Variants in TSEN2 observed in about 807,000 individuals in gnomAD.
TSEN2 encodes tRNA-splicing endonuclease subunit Sen2.
Under a neutral mutation model 59.2 loss-of-function variants are expected in TSEN2, and 54 were observed. The ratio of observed to expected loss-of-function variants is 0.91; its 90% CI spans 0.73 to 1.14. TSEN2 has a LOEUF of 1.14. TSEN2 is among the 50% of genes most tolerant of loss of function. The pLI is 0.00. For synonymous variants in TSEN2, 195 were observed against 198.2 expected, an observed-to-expected ratio of 0.98 and a Z score of 0.14; for missense variants, 636 against 576.2, an observed-to-expected ratio of 1.10 and a Z score of -1.06.
At chr3:12,512,228 C>A (rs980741446) in intron 6 of TSEN2, among the ~76,000 whole-genome samples, 1 of 152,154 alleles carries the variant, frequency 6.6e-6, no homozygotes, top group East Asian at 1.9e-4. Context: ...CTTTAGTTCA[C>A]AAAATGGCAG....
chr3:12,538,900 G>A (rs1038805432), intron 10 of TSEN2: 1 of 284,442 alleles, frequency 3.5e-6, no homozygotes, highest in Non-Finnish European at 6.8e-6. Flanking sequence ...TCAGTGGGCA[G>A]AGGAAGTGCT....
chr3:12,530,399 C>T, intron 10 of TSEN2: 2 of 985,770 alleles, frequency 2.0e-6, no homozygotes, highest in Non-Finnish European at 2.4e-6. Context: ...CATGTGCATA[C>T]TCGGGATCCA....
At chr3:12,519,842 C>T (rs903121671) in intron 8 of TSEN2, among the ~76,000 whole-genome samples, 2 of 152,226 alleles carry the variant, frequency 1.3e-5, no homozygotes, top group African/African-American at 2.4e-5. Context: ...CCCCGGGCCT[C>T]AGTGGCCTCA....
chr3:12,532,272 A>G (rs748068677), intron 11 of TSEN2, among the ~76,000 whole-genome samples: 3 of 152,010 alleles, frequency 2.0e-5, no homozygotes, highest in Non-Finnish European at 4.4e-5. Context: ...ACTTATCTCC[A>G]CTAGGCTAGT....
chr3:12,522,832 C>T (rs1028543223), intron 8 of TSEN2, among the ~76,000 whole-genome samples: 5 of 152,136 alleles, frequency 3.3e-5, no homozygotes, highest in Non-Finnish European at 7.3e-5. Flanking sequence ...CCTAGTTGAC[C>T]TTATTTGCCT....
At chr3:12,529,041 GAATAGATGCTATA>G in intron 9 of TSEN2, 117 bp downstream of exon 9, 1 of 986,084 alleles carries the variant, frequency 1.0e-6, no homozygotes, top group African/African-American at 1.6e-5. Flanking sequence ...GGCCTGATAC[GAATAGATGCTATA>G]TGTTCATGCC....
At chr3:12,497,646 T>A (rs2053885207) in intron 4 of TSEN2, among the ~76,000 whole-genome samples, 1 of 152,202 alleles carries the variant, frequency 6.6e-6, no homozygotes, top group Non-Finnish European at 1.5e-5. Flanking sequence ...GCATCCTGGC[T>A]AGGCTGGCCA....
In TSEN2 at chr3:12,523,526, CT is replaced by C. The variant is rs546904336; in HGVS notation, c.1099+4354del. 6.2e-3 allele frequency among the ~76,000 whole-genome samples: 289 copies of C among 46,464 alleles called. 3 individuals are homozygous for C. Among genetic ancestry groups the C allele is most frequent in the African/African-American group, 0.016 (198 of 12,648 alleles). 30.5% of individuals were successfully genotyped at this position (46,464 alleles called of 152,430 possible). ...CTTCTCCTCATCTTCCTCTTTGATTCTTTTTTTTTTTTTTTTTTTTTTTTTG... is the reference window on the plus strand; with the variant it reads ...CTTCTCCTCATCTTCCTCTTTGATTCTTTTTTTTTTTTTTTTTTTTTTTTG... On this transcript the variant is annotated intron_variant, in intron 8 of 11. Transcript: ENST00000284995.
intron 10 of TSEN2, chr3:12,530,764 T>C: frequency 1.0e-6 from 1 of 985,152 alleles, no homozygotes; most frequent in Non-Finnish European, 1.2e-6. Flanking sequence ...ATATACTTAA[T>C]ATGTCCTCAC....
chr3:12,503,610 T>A lies in TSEN2; in HGVS notation c.657T>A (p.His219Gln), dbSNP rs754200115. ...GAGAGGATGCCTCACCTCTGCCCCA[T>A]GTCTGTTGCTGCAAACAAGATGCTC... is the stretch of plus-strand genomic sequence containing the variant. ...SVREDASPLP[H>Q]VCCCKQDALI... The change falls in exon 5 of 12, where the codon CAT becomes CAA. Residue 219 changes from histidine (H) to glutamine (Q), a missense_variant. Physicochemically the swap from His to Gln is conservative, Grantham distance 24. Coordinates refer to ENST00000284995, the MANE Select transcript of TSEN2 (RefSeq NM_025265.4). The A allele has an allele frequency of 1.9e-6, 3 of 1,594,572 alleles. No individual in the cohort carries two copies. The highest frequency in any genetic ancestry group is 2.6e-6 in the Non-Finnish European group (3 of 1,169,284).
chr3:12,495,741 T>A (rs776132139), intron 3 of TSEN2, among the ~76,000 whole-genome samples: 28 of 152,304 alleles, frequency 1.8e-4, no homozygotes, highest in Non-Finnish European at 2.5e-4. Flanking sequence ...TTCCAAGCAT[T>A]TAATGCATGC....
chr3:12,508,355 G>A (rs1344005303), intron 6 of TSEN2, among the ~76,000 whole-genome samples: 4 of 152,228 alleles, frequency 2.6e-5, no homozygotes, highest in African/African-American at 4.8e-5. Context: ...TTTCAGAGAT[G>A]TGTTCCAGAA....
At chr3:12,503,929 G>T in intron 5 of TSEN2, 145 bp downstream of exon 5, 1 of 1,037,794 alleles carries the variant, frequency 9.6e-7, no homozygotes. Flanking sequence ...CAGCAGCTGT[G>T]AGGGCCATTT....
chr3:12,536,355 A>AT (rs1435237405), downstream of TSEN2, among the ~76,000 whole-genome samples: 7 of 152,276 alleles, frequency 4.6e-5, no homozygotes, highest in East Asian at 1.2e-3. Context: ...TGTATAGATC[A>AT]TTTTAGTGTT....
At chr3:12,500,855 C>G (rs1484654151) in intron 4 of TSEN2, among the ~76,000 whole-genome samples, 2 of 152,180 alleles carry the variant, frequency 1.3e-5, no homozygotes, top group East Asian at 3.9e-4. Flanking sequence ...TTTGACTGCT[C>G]TGCTGCAAAG....
upstream of TSEN2, among the ~76,000 whole-genome samples, chr3:12,482,447 T>C (rs1305686491): frequency 6.6e-6 from 1 of 152,246 alleles, no homozygotes; most frequent in Non-Finnish European, 1.5e-5. Flanking sequence ...TGGACTGTTT[T>C]CTCTACTTTT....
chr3:12,481,058 G>C (rs114894320), upstream of TSEN2, among the ~76,000 whole-genome samples: 1 of 152,186 alleles, frequency 6.6e-6, no homozygotes, highest in Non-Finnish European at 1.5e-5. Flanking sequence ...CTGGCACATA[G>C]TAAGTGCCCA....
intron 6 of TSEN2, among the ~76,000 whole-genome samples, chr3:12,509,429 G>A (rs2055195754): frequency 6.6e-6 from 1 of 152,026 alleles, no homozygotes; most frequent in Admixed American, 6.6e-5. Context: ...CTAACTCCTG[G>A]CCTCAAGTGA....
chr3:12,491,915 T>C (rs1361352296), intron 2 of TSEN2, among the ~76,000 whole-genome samples: 2 of 152,212 alleles, frequency 1.3e-5, no homozygotes, highest in African/African-American at 4.8e-5. Context: ...GTATTATAAG[T>C]AGCCTAGAGA....
Sources: allele counts gnomAD v4.1 joint callset (sites outside exome capture counted in the v4.1 genomes callset), GRCh38; gene constraint gnomAD v4.1.1; transcripts MANE v1.5; gene names NCBI Gene and HGNC (gene_info 2026-07-23, HGNC 2026-07-21).